Variants in PARD3 observed in about 807,000 individuals in gnomAD.
PARD3 encodes the protein partitioning defective 3 homolog.
PARD3 carries 75 observed loss-of-function variants against 155.4 expected under a neutral mutation model. The ratio of observed to expected loss-of-function variants is 0.48; its 90% CI spans 0.40 to 0.58. The LOEUF (loss-of-function observed/expected upper bound fraction) is 0.58, where lower values mean the gene tolerates loss of function less well. Ranked by LOEUF, PARD3 falls within the 20% of genes least tolerant of loss-of-function variation. The pLI, the probability that PARD3 is intolerant of heterozygous loss-of-function variation, is 0.00. For missense variants in PARD3, 1,642 were observed against 1,721.7 expected (o/e 0.95, Z 0.82); for synonymous variants, 576 against 610.5 (o/e 0.94, Z 0.83).
chr10:34,190,724 C>A (rs911421987), intron 22 of PARD3, among the ~76,000 whole-genome samples: 2 of 152,012 alleles, frequency 1.3e-5, no homozygotes, highest in African/African-American at 4.8e-5. Context: ...TAACCAGAGG[C>A]CGGGAATGCA....
At chr10:34,707,798 A>C (rs1447284973) in intron 1 of PARD3, among the ~76,000 whole-genome samples, 4 of 152,170 alleles carry the variant, frequency 2.6e-5, no homozygotes, top group African/African-American at 9.7e-5. Flanking sequence ...GGCTCTGTGC[A>C]GGGGATTGCT....
chr10:34,309,647 T>G (rs1336172370), intron 20 of PARD3, among the ~76,000 whole-genome samples: 1 of 147,304 alleles, frequency 6.8e-6, no homozygotes, highest in Non-Finnish European at 1.5e-5. Flanking sequence ...GTTGGGGCAA[T>G]GTCCTGCAAG....
At chr10:34,238,884 C>T (rs911939654) in intron 22 of PARD3, among the ~76,000 whole-genome samples, 2 of 152,146 alleles carry the variant, frequency 1.3e-5, no homozygotes, top group Admixed American at 6.5e-5. Flanking sequence ...ACTGTACAGC[C>T]ATGAATATAC....
intron 22 of PARD3, among the ~76,000 whole-genome samples, chr10:34,224,289 C>G (rs1280624570): frequency 1.3e-5 from 2 of 152,226 alleles, no homozygotes. Flanking sequence ...AACTTCTCAG[C>G]TGGACTGGCA....
At chr10:34,500,135 G>A (rs1411283588) in intron 3 of PARD3, among the ~76,000 whole-genome samples, 1 of 152,174 alleles carries the variant, frequency 6.6e-6, no homozygotes, top group Admixed American at 6.6e-5. Flanking sequence ...TCAAACCCGT[G>A]CTACACACAC....
chr10:34,805,758 C>T (rs1404562909), intron 1 of PARD3, among the ~76,000 whole-genome samples: 4 of 151,794 alleles, frequency 2.6e-5, no homozygotes, highest in African/African-American at 9.7e-5. Flanking sequence ...AGGCGGATCA[C>T]GAGGTCAGGA....
chr10:34,274,544 T>G (rs749865967), intron 21 of PARD3, among the ~76,000 whole-genome samples: 1 of 152,144 alleles, frequency 6.6e-6, no homozygotes, highest in Non-Finnish European at 1.5e-5. Context: ...ACTATGATAT[T>G]TGGTCACCAT....
intron 22 of PARD3, among the ~76,000 whole-genome samples, chr10:34,226,083 A>C (rs1405081604): frequency 6.6e-6 from 1 of 152,270 alleles, no homozygotes; most frequent in African/African-American, 2.4e-5. Flanking sequence ...CTTACAATTC[A>C]GTAAGAAGAT....
At chr10:34,148,385 A>G (rs1040280676) in intron 22 of PARD3, among the ~76,000 whole-genome samples, 1 of 152,164 alleles carries the variant, frequency 6.6e-6, no homozygotes, top group Admixed American at 6.5e-5. Context: ...TAATGTCTCT[A>G]CAGACTGGCG....
Position 34,705,122 on chromosome 10 carries a change from T to C in PARD3, c.121-8703A>G, listed in dbSNP as rs553562663. 3.3e-5 allele frequency among the ~76,000 whole-genome samples: 5 copies of C among 152,296 alleles called. No individual in the cohort carries two copies. In the East Asian group the frequency reaches 9.6e-4, roughly 29 times the overall value. On this transcript the variant is annotated intron_variant, in intron 1 of 24. Transcript: ENST00000374788. ...AATCATTAGCACTTCAAGATAGATA[T>C]CACACATGCAATTCTGACTTTTCCT...
intron 19 of PARD3, among the ~76,000 whole-genome samples, chr10:34,325,405 T>G (rs547063106): frequency 6.6e-6 from 1 of 152,152 alleles, no homozygotes; most frequent in African/African-American, 2.4e-5. Context: ...CATATTTCTC[T>G]GTGCATCCAG....
At chr10:34,520,038 C>T (rs1383657169) in intron 2 of PARD3, among the ~76,000 whole-genome samples, 2 of 152,102 alleles carry the variant, frequency 1.3e-5, no homozygotes, top group African/African-American at 4.8e-5. Flanking sequence ...CCTCTCCTGC[C>T]TCCAATCCAA....
intron 2 of PARD3, among the ~76,000 whole-genome samples, chr10:34,558,300 A>C (rs1247917592): frequency 6.6e-6 from 1 of 152,222 alleles, no homozygotes; most frequent in African/African-American, 2.4e-5. Flanking sequence ...CAAAGTTTTC[A>C]GTAGCTACAG....
intron 1 of PARD3, among the ~76,000 whole-genome samples, chr10:34,712,220 G>A (rs2094459046): frequency 6.6e-6 from 1 of 152,226 alleles, no homozygotes; most frequent in African/African-American, 2.4e-5. Flanking sequence ...TGAACTGGTA[G>A]ACAGAAAACA....
intron 2 of PARD3, among the ~76,000 whole-genome samples, chr10:34,615,037 C>T (rs1475150296): frequency 6.6e-6 from 1 of 152,048 alleles, no homozygotes; most frequent in East Asian, 1.9e-4. Context: ...AAAACTTAGC[C>T]AGGCGTTGTG....
chr10:34,226,974 C>A (rs574230807), intron 22 of PARD3, among the ~76,000 whole-genome samples: 1 of 152,068 alleles, frequency 6.6e-6, no homozygotes, highest in African/African-American at 2.4e-5. Flanking sequence ...AAAGATTTCA[C>A]GAAGAAGACT....
At position 34,360,281 on chromosome 10, in the gene PARD3, C is replaced by T; in HGVS notation, c.1708-22G>A. 3 of 1,550,510 alleles carry T rather than the reference C, an allele frequency of 1.9e-6. No homozygotes were observed. In the South Asian group the frequency reaches 3.3e-5, roughly 17 times the overall value. On this transcript the variant is annotated intron_variant, in intron 12 of 24. Transcript: ENST00000374788. ...CTTTCTAATAGGGAACAAAATTGCA[C>T]AGCACATTATAGTCCAATGTTTCTT...
intron 2 of PARD3, among the ~76,000 whole-genome samples, chr10:34,669,634 C>T (rs1019792455): frequency 6.6e-6 from 1 of 152,094 alleles, no homozygotes; most frequent in African/African-American, 2.4e-5. Flanking sequence ...ACCTTACCTA[C>T]TAACAAAATT....
At chr10:34,794,572 G>C (rs1306735516) in intron 1 of PARD3, among the ~76,000 whole-genome samples, 2 of 152,092 alleles carry the variant, frequency 1.3e-5, no homozygotes, top group Non-Finnish European at 2.9e-5. Context: ...TATGAACTTG[G>C]GGGTACTACT....
Sources: gnomAD v4.1 joint callset for allele counts (sites outside exome capture counted in the v4.1 genomes callset) on GRCh38, gnomAD v4.1.1 for gene constraint, MANE v1.5 for transcripts, NCBI Gene and HGNC (gene_info 2026-07-23, HGNC 2026-07-21) for gene names.